The following OSBPL2 variants were observed in gnomAD, a reference collection of about 807,000 sequenced individuals.
OSBPL2 encodes the protein oxysterol-binding protein-related protein 2.
In OSBPL2, 18 loss-of-function variants were observed where a neutral mutation model predicts 58.4. The observed-to-expected ratio is 0.31, with a 90% CI of 0.21 to 0.46. The LOEUF is 0.46. Ranked by LOEUF, OSBPL2 falls within the 20% of genes least tolerant of loss-of-function variation. OSBPL2 has a pLI of 1.00. For synonymous variants in OSBPL2, 221 were observed against 234.1 expected (o/e 0.94, Z 0.51); for missense variants, 461 against 616.5 (o/e 0.75, Z 2.67).
chr20:62,275,425 G>T (rs936561734), intron 6 of OSBPL2, among the ~76,000 whole-genome samples: 1 of 151,182 alleles, frequency 6.6e-6, no homozygotes, highest in Non-Finnish European at 1.5e-5. Context: ...TTGAGACGAG[G>T]TCTCACTCTG....
At chr20:62,239,091 A>G (rs1979541757) in intron 1 of OSBPL2, 1 of 152,244 alleles carries the variant, frequency 6.6e-6, no homozygotes, top group Non-Finnish European at 1.5e-5. Context: ...TCCGCCGGGA[A>G]GAAGGGCAGG....
chr20:62,255,596 C>T (rs954054378), intron 1 of OSBPL2, among the ~76,000 whole-genome samples: 3 of 152,322 alleles, frequency 2.0e-5, no homozygotes, highest in Admixed American at 6.5e-5. Context: ...CTCTGCCTCC[C>T]GAGTTCAAGA....
chr20:62,271,974 G>T (rs530506578), intron 4 of OSBPL2, 151 bp from the exon 5 acceptor site: 5 of 809,130 alleles, frequency 6.2e-6, no homozygotes, highest in African/African-American at 1.7e-5. Flanking sequence ...GGCCGATGGG[G>T]CAGGGAGTGG....
chr20:62,265,322 C>T (rs934346667), intron 4 of OSBPL2, among the ~76,000 whole-genome samples: 4 of 152,128 alleles, frequency 2.6e-5, no homozygotes, highest in Non-Finnish European at 5.9e-5. Flanking sequence ...TCCTTATTTA[C>T]GGACTATAAA....
intron 2 of OSBPL2, 62 bp from the exon 3 acceptor site, chr20:62,259,919 A>T: frequency 6.6e-7 from 1 of 1,506,200 alleles, no homozygotes; most frequent in Non-Finnish European, 9.1e-7. Context: ...GAATTCTTGG[A>T]GGTAGGCTTT....
chr20:62,247,955 G>A (rs1029998080), intron 1 of OSBPL2, among the ~76,000 whole-genome samples: 1 of 151,790 alleles, frequency 6.6e-6, no homozygotes, highest in Non-Finnish European at 1.5e-5. Context: ...GAGCCACTAC[G>A]CCCGGCCCCT....
At chr20:62,281,682 AC>A (rs1480305132) in intron 8 of OSBPL2, 107 bp from the exon 9 acceptor site, 22 of 742,054 alleles carry the variant, frequency 3.0e-5, no homozygotes, top group Non-Finnish European at 4.6e-5. Flanking sequence ...ATTTGCAGTC[AC>A]CCCCCGCCTG....
intron 1 of OSBPL2, among the ~76,000 whole-genome samples, chr20:62,249,153 A>G (rs1980355133): frequency 6.6e-6 from 1 of 152,112 alleles, no homozygotes; most frequent in African/African-American, 2.4e-5. Context: ...TCCCTGGGCT[A>G]GGGGAACTGA....
At position 62,260,063 on chromosome 20, in the gene OSBPL2, A is replaced by G. The variant is rs748949796; in HGVS notation, c.120A>G (p.Lys40=). Residue 40 remains lysine, a synonymous_variant, in exon 3 of 14, where the codon AAA becomes AAG. Coordinates refer to ENST00000313733, the MANE Select transcript of OSBPL2 (RefSeq NM_144498.4). ...GAATGATTGACTTAGACACCAGCAA[A>G]AATAATAGGATTGGGAAAACTGGGG... The part of the protein sequence containing the change: ...VTGMIDLDTS[K]NNRIGKTGER... 6.2e-7 allele frequency: 1 copy of G among 1,614,002 alleles called. No individual in the cohort carries two copies. Among genetic ancestry groups the G allele is most frequent in the Non-Finnish European group, 8.5e-7 (1 of 1,179,884 alleles).
intron 6 of OSBPL2, among the ~76,000 whole-genome samples, chr20:62,277,759 T>C (rs909038608): frequency 2.6e-5 from 4 of 152,264 alleles, no homozygotes; most frequent in South Asian, 4.1e-4. Context: ...TTGGTAATTA[T>C]GTGGTTTAGC....
At position 62,263,700 on chromosome 20, in the gene OSBPL2, G is replaced by A. The variant is rs531591282; in HGVS notation, c.258+9G>A. 6.3e-5 allele frequency: 101 copies of A among 1,609,020 alleles called. 1 individual carries two copies. The Middle Eastern group carries it at 8.9e-3, about 142-fold the overall frequency. On this transcript the variant is annotated intron_variant, in intron 4 of 13. Coordinates refer to ENST00000313733, the MANE Select transcript of OSBPL2 (RefSeq NM_144498.4). The stretch of plus-strand genomic sequence containing the variant: ...AGAAGTGTGTTGGCCTGGTGAGTCC[G>A]GGGGCCCGTGTTCACACATGGGGCT...
intron 12 of OSBPL2, chr20:62,291,325 A>G (rs1983495550): frequency 6.0e-6 from 2 of 335,684 alleles, no homozygotes; most frequent in Non-Finnish European, 5.8e-6. Context: ...TCTTTGGGAG[A>G]TGGGCTCTGA....
At chr20:62,275,912 ATT>A (rs11472724) in intron 6 of OSBPL2, among the ~76,000 whole-genome samples, 1 of 143,218 alleles carries the variant, frequency 7.0e-6, no homozygotes, top group Admixed American at 7.0e-5. Context: ...ATGATTGAGA[ATT>A]TTTTTTTTTT....
chr20:62,246,614 G>T (rs754053581), intron 1 of OSBPL2, among the ~76,000 whole-genome samples: 1 of 152,158 alleles, frequency 6.6e-6, no homozygotes, highest in African/African-American at 2.4e-5. Flanking sequence ...GCTTGGACAC[G>T]CAGGGAGGGA....
At chr20:62,293,035 A>AT (rs1306946289) in intron 13 of OSBPL2, among the ~76,000 whole-genome samples, 448 of 144,832 alleles carry the variant, frequency 3.1e-3, no homozygotes, top group Admixed American at 4.7e-3. Context: ...CGCCTGGCTA[A>AT]TTTTTTTTTT....
intron 6 of OSBPL2, among the ~76,000 whole-genome samples, chr20:62,277,343 G>T (rs1982446875): frequency 6.6e-6 from 1 of 152,264 alleles, no homozygotes; most frequent in African/African-American, 2.4e-5. Context: ...AATGCAAGCC[G>T]CCTGGGCTGG....
Position 62,260,386 on chromosome 20 carries a change from C to T in OSBPL2, c.182+261C>T, listed in dbSNP as rs141280670. ...ATCTAAGAAATGCCTCTGTTCCCCT[C>T]CCTGCCCTCAGGAGTTGCTGTGAGA... is the stretch of plus-strand genomic sequence containing the variant. On this transcript the variant is annotated intron_variant, in intron 3 of 13. Transcript: ENST00000313733. 0.015 allele frequency among the ~76,000 whole-genome samples: 2,348 copies of T among 152,308 alleles called. 29 individuals are homozygous for T. Among genetic ancestry groups the T allele is most frequent in the Non-Finnish European group, 0.023 (1,556 of 68,028 alleles).
At chr20:62,243,157 C>T (rs748579353) in intron 1 of OSBPL2, among the ~76,000 whole-genome samples, 113 of 152,310 alleles carry the variant, frequency 7.4e-4, no homozygotes, top group Middle Eastern at 3.4e-3. Context: ...GTGTCAGGTG[C>T]GCACAGGGCG....
chr20:62,243,846 T>C (rs1179679200), intron 1 of OSBPL2, among the ~76,000 whole-genome samples: 1 of 79,554 alleles, frequency 1.3e-5, no homozygotes, highest in African/African-American at 5.3e-5. Flanking sequence ...TTTTTTAAAT[T>C]TTTTAATTAA....
Sources: gnomAD v4.1 joint callset for allele counts (sites outside exome capture counted in the v4.1 genomes callset) on GRCh38, gnomAD v4.1.1 for gene constraint, MANE v1.5 for transcripts, NCBI Gene and HGNC (gene_info 2026-07-23, HGNC 2026-07-21) for gene names.